The following CTTNBP2 variants were observed in gnomAD, a reference collection of about 807,000 sequenced individuals.
The protein encoded by CTTNBP2 is cortactin binding protein 2.
CTTNBP2 carries 108 observed loss-of-function variants against 156.9 expected under a neutral mutation model. The ratio of observed to expected loss-of-function variants is 0.69; its 90% CI spans 0.59 to 0.81. The LOEUF (loss-of-function observed/expected upper bound fraction) is 0.81. Ranked by LOEUF, CTTNBP2 falls within the 30% of genes least tolerant of loss-of-function variation. The pLI, the probability that CTTNBP2 is intolerant of heterozygous loss-of-function variation, is 0.00. For synonymous variants in CTTNBP2, 767 were observed against 751.8 expected, an observed-to-expected ratio of 1.02 and a Z score of -0.33; for missense variants, 1,924 against 2,035.4, an observed-to-expected ratio of 0.95 and a Z score of 1.05.
chr7:117,871,882 T>TC (rs1380273406), intron 1 of CTTNBP2: 1 of 422,480 alleles, frequency 2.4e-6, no homozygotes, highest in East Asian at 5.6e-4. Context: ...ACACCCTCTT[T>TC]CTTTTTCCTC....
intron 10 of CTTNBP2, among the ~76,000 whole-genome samples, chr7:117,758,469 C>T (rs939074705): frequency 2.0e-5 from 3 of 151,566 alleles, no homozygotes; most frequent in Admixed American, 1.3e-4. Flanking sequence ...TCTCCCATTG[C>T]GGGCCCTCTG....
chr7:117,771,246 A>G (rs1797781678), intron 8 of CTTNBP2, among the ~76,000 whole-genome samples: 1 of 152,194 alleles, frequency 6.6e-6, no homozygotes, highest in Admixed American at 6.5e-5. Flanking sequence ...CCAAGTCCAG[A>G]GAGCTAGAGA....
intron 7 of CTTNBP2, 71 bp from the exon 8 acceptor site, chr7:117,777,836 T>C: frequency 9.7e-6 from 14 of 1,449,062 alleles, no homozygotes; most frequent in Non-Finnish European, 1.3e-5. Context: ...TATTGAAAGT[T>C]CACTTCTAAA....
intron 16 of CTTNBP2, among the ~76,000 whole-genome samples, chr7:117,729,341 G>A (rs1040842991): frequency 7.2e-5 from 11 of 152,082 alleles, no homozygotes; most frequent in Admixed American, 2.0e-4. Context: ...AGTGGTTATC[G>A]GACAGTACAT....
intron 7 of CTTNBP2, among the ~76,000 whole-genome samples, chr7:117,779,949 G>A (rs905941554): frequency 2.0e-5 from 3 of 151,932 alleles, no homozygotes; most frequent in Non-Finnish European, 2.9e-5. Context: ...CAGTAGAGAC[G>A]GGGTTTCTCC....
At chr7:117,818,454 T>C (rs535238912) in intron 2 of CTTNBP2, among the ~76,000 whole-genome samples, 1 of 152,256 alleles carries the variant, frequency 6.6e-6, no homozygotes, top group South Asian at 2.1e-4. Context: ...CAAGATGGAC[T>C]TTTTCAGGAA....
chr7:117,827,327 G>T (rs1801344581), intron 2 of CTTNBP2, among the ~76,000 whole-genome samples: 1 of 152,176 alleles, frequency 6.6e-6, no homozygotes, highest in Admixed American at 6.5e-5. Flanking sequence ...TTTCATGTTT[G>T]CTAGACCAAA....
chr7:117,827,084 C>T (rs2117057010), intron 2 of CTTNBP2, among the ~76,000 whole-genome samples: 1 of 152,206 alleles, frequency 6.6e-6, no homozygotes, highest in African/African-American at 2.4e-5. Context: ...GTCTCAAACT[C>T]CTGGCCTTAA....
intron 14 of CTTNBP2, among the ~76,000 whole-genome samples, chr7:117,736,057 G>A (rs1325428593): frequency 3.3e-5 from 5 of 152,252 alleles, no homozygotes; most frequent in African/African-American, 1.2e-4. Flanking sequence ...TAATTAATCT[G>A]TAAACATAAG....
At chr7:117,741,169 C>G (rs1795997109) in intron 14 of CTTNBP2, among the ~76,000 whole-genome samples, 1 of 152,096 alleles carries the variant, frequency 6.6e-6, no homozygotes, top group Admixed American at 6.5e-5. Flanking sequence ...AATGATGAGG[C>G]CTCTACAATG....
chr7:117,731,362 G>A (rs559665432), intron 16 of CTTNBP2, among the ~76,000 whole-genome samples: 1 of 152,086 alleles, frequency 6.6e-6, no homozygotes, highest in African/African-American at 2.4e-5. Context: ...CACTGAACAC[G>A]TTTTTTTAAA....
intron 12 of CTTNBP2, 29 bp downstream of exon 12, chr7:117,756,526 C>A (rs199940222): frequency 6.5e-7 from 1 of 1,549,968 alleles, no homozygotes; most frequent in South Asian, 1.1e-5. Flanking sequence ...ATGGAAAACA[C>A]AGGTCTCCAC....
intron 3 of CTTNBP2, among the ~76,000 whole-genome samples, chr7:117,810,022 T>C (rs1800174003): frequency 6.6e-6 from 1 of 152,214 alleles, no homozygotes; most frequent in Non-Finnish European, 1.5e-5. Context: ...TAAATTTCTA[T>C]TTACTTATTT....
intron 22 of CTTNBP2, chr7:117,712,482 A>G (rs4730797): frequency 0.24 from 36,161 of 152,042 alleles, 4,652 homozygotes; most frequent in Non-Finnish European, 0.25. Flanking sequence ...CACTCAAGGT[A>G]TTTTCCCTAT....
intron 22 of CTTNBP2, chr7:117,713,998 T>C (rs993618412): frequency 2.0e-5 from 3 of 152,160 alleles, no homozygotes; most frequent in Non-Finnish European, 4.4e-5. Context: ...AGCTTCCTGA[T>C]AAAACAAAAA....
intron 4 of CTTNBP2, among the ~76,000 whole-genome samples, chr7:117,789,924 G>A (rs1563008383): frequency 6.6e-6 from 1 of 152,122 alleles, no homozygotes; most frequent in South Asian, 2.1e-4. Context: ...TATGGATAAA[G>A]CCTCTCAAAG....
At chr7:117,715,218 G>T (rs1007855994) in intron 22 of CTTNBP2, among the ~76,000 whole-genome samples, 6 of 152,098 alleles carry the variant, frequency 3.9e-5, no homozygotes, top group Admixed American at 2.0e-4. Flanking sequence ...ACGAGAGAAG[G>T]TTCTATGGGG....
intron 1 of CTTNBP2, among the ~76,000 whole-genome samples, chr7:117,868,941 T>G (rs914190364): frequency 9.9e-5 from 15 of 152,196 alleles, no homozygotes; most frequent in African/African-American, 2.9e-4. Flanking sequence ...TCTTTCCTTT[T>G]ATTCCCCTTT....
intron 20 of CTTNBP2, among the ~76,000 whole-genome samples, chr7:117,720,800 TATA>T (rs758273581): frequency 2.0e-5 from 3 of 152,232 alleles, no homozygotes; most frequent in Non-Finnish European, 4.4e-5. Flanking sequence ...AAATGAAACC[TATA>T]ATATTTCTAA....
Sources: gnomAD v4.1 joint callset for allele counts (sites outside exome capture counted in the v4.1 genomes callset) on GRCh38, gnomAD v4.1.1 for gene constraint, MANE v1.5 for transcripts, NCBI Gene and HGNC (gene_info 2026-07-23, HGNC 2026-07-21) for gene names.